Variants in PCBP2 observed in about 807,000 individuals in gnomAD.
PCBP2 encodes poly(rC) binding protein 2.
Under a neutral mutation model 50.1 loss-of-function variants are expected in PCBP2, and 4 were observed. That is an observed-to-expected ratio of 0.08 (90% CI 0.04 to 0.18). The LOEUF is 0.18. Among genes scored for constraint, PCBP2 ranks in the 10% least tolerant of loss-of-function variants. The probability of loss-of-function intolerance (pLI) is 1.00; values close to 1 mark genes in which losing one functional copy is unlikely to be tolerated. For missense variants in PCBP2, 161 were observed against 474.3 expected, an observed-to-expected ratio of 0.34 and a Z score of 6.14; for synonymous variants, 179 against 168.0, an observed-to-expected ratio of 1.07 and a Z score of -0.51.
At chr12:53,458,594 G>A (rs1384227960) in intron 5 of PCBP2, among the ~76,000 whole-genome samples, 1 of 150,954 alleles carries the variant, frequency 6.6e-6, no homozygotes, top group Admixed American at 6.6e-5. Context: ...GGCATGAGCC[G>A]CCGTGCCCGG....
intron 1 of PCBP2, 27 bp from the exon 2 acceptor site, chr12:53,454,699 C>A: frequency 1.3e-6 from 1 of 786,882 alleles, no homozygotes. Flanking sequence ...TTTTCCTCCT[C>A]TGATTTTGGT....
chr12:53,467,508 C>T, intron 11 of PCBP2: 1 of 630,628 alleles, frequency 1.6e-6, no homozygotes, highest in Non-Finnish European at 2.8e-6. Context: ...AAAAAAAGCC[C>T]TGGAAGGTTT....
chr12:53,477,493 G>A (rs1942673668), intron 14 of PCBP2, among the ~76,000 whole-genome samples: 1 of 151,622 alleles, frequency 6.6e-6, no homozygotes. Flanking sequence ...GTGAAACCCC[G>A]ACTCTACTAA....
chr12:53,467,886 T>A, intron 12 of PCBP2, 43 bp downstream of exon 12: 1 of 1,416,448 alleles, frequency 7.1e-7, no homozygotes, highest in Non-Finnish European at 1.0e-6. Flanking sequence ...TCTACTGTTA[T>A]ATTAATAAAC....
intron 14 of PCBP2, among the ~76,000 whole-genome samples, chr12:53,476,261 C>G (rs1368183295): frequency 6.6e-6 from 1 of 152,248 alleles, no homozygotes; most frequent in East Asian, 1.9e-4. Context: ...AAGTGACATG[C>G]TTAGATTTGG....
At position 53,454,750 on chromosome 12, in the gene PCBP2, T is replaced by C. The variant is rs1940861348; in HGVS notation, c.-51T>C. 1.2e-5 allele frequency: 18 copies of C among 1,526,874 alleles called. No homozygotes were observed. The East Asian group carries it at 3.8e-4, about 32-fold the overall frequency. 94.6% of individuals were successfully genotyped at this position (1,526,874 alleles called of 1,614,324 possible). A position where few individuals can be genotyped will look rare whatever the true frequency, so the allele number is the denominator to read the frequency against. On this transcript the variant is annotated 5_prime_UTR_variant, in exon 2 of 15. Transcript: ENST00000546463. ...GTTTTTGGCTTTCACCCCCAACCAGTGACCAAAGACTTGACCACTCAAAGT... is the reference window on the plus strand; with the variant it reads ...GTTTTTGGCTTTCACCCCCAACCAGCGACCAAAGACTTGACCACTCAAAGT...
chr12:53,476,219 T>C (rs112492733), intron 14 of PCBP2: 130 of 152,342 alleles, frequency 8.5e-4, no homozygotes, highest in African/African-American at 3.0e-3. Flanking sequence ...GCCGTATCCT[T>C]TCTGCTCCCC....
chr12:53,457,144 T>C (rs1211006372), intron 5 of PCBP2, among the ~76,000 whole-genome samples: 1 of 152,064 alleles, frequency 6.6e-6, no homozygotes, highest in Admixed American at 6.6e-5. Flanking sequence ...CCTCCCAGGC[T>C]CAAGTGATCC....
chr12:53,468,919 T>TC (rs1942002726), intron 13 of PCBP2, 87 bp downstream of exon 13: 5 of 660,514 alleles, frequency 7.6e-6, no homozygotes, highest in South Asian at 2.3e-5. Context: ...CTGCTACCCT[T>TC]TTTTTTTTTT....
At position 53,471,856 on chromosome 12, in the gene PCBP2, T is replaced by C. The variant is rs373117295; in HGVS notation, c.1052+49T>C. On this transcript the variant is annotated intron_variant, in intron 14 of 14. Coordinates refer to ENST00000546463, the MANE Select transcript of PCBP2 (RefSeq NM_031989.5). ...TTATTTATGCCAACACAGTAATGTG[T>C]GTGTTGGGGAGAGCTGCAGTGTATT... The C allele has an allele frequency of 1.3e-3, 2,066 of 1,543,186 alleles. 46 individuals are homozygous for C. The South Asian group carries it at 0.022, about 16-fold the overall frequency.
At position 53,467,849 on chromosome 12, in the gene PCBP2, G is replaced by T; in HGVS notation, c.826+6G>T. On this transcript the variant is annotated splice_donor_region_variant and intron_variant, in intron 12 of 14. Coordinates refer to ENST00000546463, the MANE Select transcript of PCBP2 (RefSeq NM_031989.5). The stretch of plus-strand genomic sequence containing the variant: ...AGAGGTGAAAGGCTATTGGGGTAAT[G>T]ATTAAAAAAAAAAAAATCTGTAGTA... The T allele has an allele frequency of 6.3e-7, 1 of 1,594,220 alleles. No homozygotes were observed. Among genetic ancestry groups the T allele is most frequent in the South Asian group, 1.1e-5 (1 of 90,030 alleles).
intron 14 of PCBP2, 117 bp downstream of exon 14, chr12:53,471,924 G>GT (rs377649740): frequency 0.12 from 53,704 of 432,434 alleles, 110 homozygotes; most frequent in South Asian, 0.15. Context: ...TGGCCAAAAG[G>GT]TTTTTTTTTT....
At chr12:53,454,917 G>A (rs1326865141) in intron 2 of PCBP2, 48 bp downstream of exon 2, 1 of 1,489,240 alleles carries the variant, frequency 6.7e-7, no homozygotes, top group East Asian at 2.3e-5. Context: ...CTAGGGGAGG[G>A]GCCAGGAAGA....
At chr12:53,456,144 A>G in intron 5 of PCBP2, 143 bp downstream of exon 5, 2 of 653,764 alleles carry the variant, frequency 3.1e-6, no homozygotes, top group East Asian at 2.6e-5. Context: ...GTAGCCTCCC[A>G]CAAAATTCGA....
intron 14 of PCBP2, among the ~76,000 whole-genome samples, chr12:53,478,132 C>G (rs1942764166): frequency 6.6e-6 from 1 of 152,166 alleles, no homozygotes; most frequent in South Asian, 2.1e-4. Context: ...TATGGCTTGA[C>G]AAGATCTAGG....
chr12:53,478,937 C>T (rs143081258), intron 14 of PCBP2, among the ~76,000 whole-genome samples: 6 of 152,144 alleles, frequency 3.9e-5, no homozygotes, highest in South Asian at 2.1e-4. Context: ...AACTCCAGGG[C>T]TTTAAAGTAA....
intron 14 of PCBP2, chr12:53,475,749 A>G (rs1405981304): frequency 1.3e-5 from 2 of 152,122 alleles, no homozygotes; most frequent in Non-Finnish European, 1.5e-5. Context: ...GGCTTTTTGA[A>G]TCCCAAGTGA....
At chr12:53,479,296 C>T in intron 14 of PCBP2, 110 bp from the exon 15 acceptor site, 1 of 924,664 alleles carries the variant, frequency 1.1e-6, no homozygotes, top group South Asian at 1.4e-5. Flanking sequence ...AAATGTCTCC[C>T]TTGGTACTCC....
At chr12:53,463,377 C>T (rs1316872518) in intron 8 of PCBP2, among the ~76,000 whole-genome samples, 1 of 152,054 alleles carries the variant, frequency 6.6e-6, no homozygotes, top group Non-Finnish European at 1.5e-5. Flanking sequence ...ATACAGTTGG[C>T]CCTTTGTGGG....
Sources: allele counts gnomAD v4.1 joint callset (sites outside exome capture counted in the v4.1 genomes callset), GRCh38; gene constraint gnomAD v4.1.1; transcripts MANE v1.5; gene names NCBI Gene and HGNC (gene_info 2026-07-23, HGNC 2026-07-21).